Variants in MACF1 observed in about 807,000 individuals in gnomAD.
MACF1 encodes the protein microtubule actin crosslinking factor 1.
Under a neutral mutation model 854.8 loss-of-function variants are expected in MACF1, and 193 were observed. That is an observed-to-expected ratio of 0.23 (90% CI 0.20 to 0.25). MACF1 has a LOEUF of 0.25. MACF1 is among the 10% of genes least tolerant of loss of function. The pLI is 1.00. For synonymous variants in MACF1, 3,185 were observed against 3,226.7 expected (o/e 0.99, Z 0.44); for missense variants, 7,722 against 8,929.1 (o/e 0.86, Z 5.45).
At chr1:39,245,628 C>T (rs1644974000) in intron 2 of MACF1, among the ~76,000 whole-genome samples, 1 of 152,150 alleles carries the variant, frequency 6.6e-6, no homozygotes, top group South Asian at 2.1e-4. Context: ...TAGCTCACAC[C>T]TGTAATCCCA....
intron 2 of MACF1, among the ~76,000 whole-genome samples, chr1:39,233,397 T>C (rs962610215): frequency 6.6e-6 from 1 of 152,198 alleles, no homozygotes; most frequent in Non-Finnish European, 1.5e-5. Context: ...GTGCCTCCTA[T>C]ATTCATTTCT....
chr1:39,427,034 C>T (rs1401933526), intron 61 of MACF1, among the ~76,000 whole-genome samples: 3 of 151,992 alleles, frequency 2.0e-5, no homozygotes, highest in Non-Finnish European at 4.4e-5. Flanking sequence ...AACTTTTTGC[C>T]TCCTTTAAAC....
chr1:39,375,395 A>G (rs1274692653), intron 52 of MACF1, among the ~76,000 whole-genome samples: 2 of 151,430 alleles, frequency 1.3e-5, no homozygotes, highest in African/African-American at 4.9e-5. Flanking sequence ...TCCATCTCCC[A>G]GGTTCATGCC....
At chr1:39,453,068 TAAG>T (rs1471036392) in intron 87 of MACF1, among the ~76,000 whole-genome samples, 1 of 152,182 alleles carries the variant, frequency 6.6e-6, no homozygotes, top group Non-Finnish European at 1.5e-5. Flanking sequence ...AACATGGTAT[TAAG>T]AAAAATGTTG....
chr1:39,444,652 T>A lies in MACF1; in HGVS notation c.19432-10T>A, dbSNP rs1257544435. The A allele has an allele frequency of 6.2e-7, 1 of 1,603,288 alleles. No homozygotes were observed. The highest frequency in any genetic ancestry group is 1.1e-5 in the South Asian group (1 of 90,470). On this transcript the variant is annotated splice_polypyrimidine_tract_variant and intron_variant, in intron 79 of 100. Transcript: ENST00000564288. Reference sequence around the variant, plus strand: ...CGTAGAATTGATATCTTTCCTGCCTTTTCTTGTAGGAACTCTATTCCCAGC... The same window carrying A: ...CGTAGAATTGATATCTTTCCTGCCTATTCTTGTAGGAACTCTATTCCCAGC...
chr1:39,370,019 T>G lies in MACF1; in HGVS notation c.12939-11T>G, dbSNP rs1443532990. 11 of 1,607,040 alleles carry G rather than the reference T, an allele frequency of 6.8e-6. No homozygotes were observed. In the East Asian group the frequency reaches 2.2e-4, roughly 33 times the overall value. On this transcript the variant is annotated splice_polypyrimidine_tract_variant and intron_variant, in intron 50 of 100. Transcript: ENST00000564288. ...TTAGTCTGGCAAGTAACAAAACTGC[T>G]TCATTGACAGAGAGAAAGATGCATC...
At chr1:39,284,676 G>A (rs1238408765) in intron 11 of MACF1, among the ~76,000 whole-genome samples, 1 of 152,168 alleles carries the variant, frequency 6.6e-6, no homozygotes, top group Non-Finnish European at 1.5e-5. Context: ...CTTGAGTTTT[G>A]TGGACAAATT....
intron 2 of MACF1, among the ~76,000 whole-genome samples, chr1:39,237,326 G>C (rs1259699740): frequency 6.6e-6 from 1 of 152,176 alleles, no homozygotes; most frequent in Non-Finnish European, 1.5e-5. Flanking sequence ...ATACTGCCTT[G>C]AAGAGATGCC....
At position 39,452,269 on chromosome 1, in the gene MACF1, C is replaced by G; in HGVS notation, c.20532C>G (p.Leu6844=). Residue 6844 remains leucine, a synonymous_variant, in exon 86 of 101, where the codon CTC becomes CTG. Coordinates refer to ENST00000564288, the MANE Select transcript of MACF1 (RefSeq NM_001394062.1). The stretch of plus-strand genomic sequence containing the variant: ...ACACCACTTGGGTAAAAGGACAGCT[C>G]CAGGAACTGAGCACTCGCTGGGACA... The part of the protein sequence containing the change: ...RDDTTWVKGQ[L]QELSTRWDTV... 1.9e-6 allele frequency: 3 copies of G among 1,614,168 alleles called. No homozygotes were observed.
chr1:39,432,476 A>G lies in MACF1; in HGVS notation c.17338-59A>G, dbSNP rs972601820. 2.6e-6 allele frequency: 4 copies of G among 1,515,438 alleles called. No homozygotes were observed. The South Asian group carries it at 3.5e-5, about 13-fold the overall frequency. 93.9% of individuals were successfully genotyped at this position (1,515,438 alleles called of 1,614,324 possible). On this transcript the variant is annotated intron_variant, in intron 66 of 100. Coordinates refer to ENST00000564288, the MANE Select transcript of MACF1 (RefSeq NM_001394062.1). ...GGCCTTGCTTTGTTGAATAAATTGC[A>G]GTTATGTGGAGACTTGGCTGTATAT...
At chr1:39,300,855 C>T (rs552587401) in intron 22 of MACF1, among the ~76,000 whole-genome samples, 2 of 152,048 alleles carry the variant, frequency 1.3e-5, no homozygotes, top group South Asian at 4.1e-4. Context: ...GACCAGCTTG[C>T]GTCTCTGCAA....
intron 2 of MACF1, among the ~76,000 whole-genome samples, chr1:39,090,768 T>A (rs538202654): frequency 1.3e-5 from 2 of 152,302 alleles, no homozygotes; most frequent in South Asian, 4.1e-4. Context: ...AGGGGTTAGA[T>A]GCCACCAGAG....
intron 2 of MACF1, among the ~76,000 whole-genome samples, chr1:39,104,335 G>A (rs920751743): frequency 6.6e-6 from 1 of 152,144 alleles, no homozygotes; most frequent in Non-Finnish European, 1.5e-5. Flanking sequence ...AATGATGTTG[G>A]GAGCTCTGTC....
intron 38 of MACF1, among the ~76,000 whole-genome samples, chr1:39,338,979 G>C (rs1646877053): frequency 6.6e-6 from 1 of 151,882 alleles, no homozygotes; most frequent in Non-Finnish European, 1.5e-5. Context: ...GACTATTTAG[G>C]AAAAAAAACA....
chr1:39,185,655 C>G (rs74433516), intron 2 of MACF1, among the ~76,000 whole-genome samples: 20 of 152,266 alleles, frequency 1.3e-4, no homozygotes, highest in Non-Finnish European at 2.4e-4. Context: ...TCTGGCTGAT[C>G]ATGAGTTTTG....
In MACF1 at chr1:39,406,756, A is replaced by AAAAAAAAAAAAC. The variant is rs746955922; in HGVS notation, c.15817-15616_15817-15615insAAAAAAAAACAA. Among the ~76,000 whole-genome samples the AAAAAAAAAAAAC allele has an allele frequency of 9.6e-3, 1,109 of 115,850 alleles. 131 individuals carry two copies. The highest frequency in any genetic ancestry group is 0.021 in the African/African-American group (539 of 26,026). 76.0% of individuals were successfully genotyped at this position (115,850 alleles called of 152,430 possible). ...TCTCACTCAAAAAAAAAAAAAAAAA[A>AAAAAAAAAAAAC]AACATTCTTTATAATAGAATAACCA... On this transcript the variant is annotated intron_variant, in intron 58 of 100. Transcript: ENST00000564288.
rs113480477 is a variant in MACF1, at chr1:39,462,287, C to T, written c.21678+250C>T. 5.2e-3 allele frequency among the ~76,000 whole-genome samples: 790 copies of T among 152,282 alleles called. 6 individuals are homozygous for T. The highest frequency in any genetic ancestry group is 0.018 in the African/African-American group (730 of 41,530). On this transcript the variant is annotated intron_variant, in intron 93 of 100. Transcript: ENST00000564288. ...TGTCTGTGTGGTGCTCTGAAGTTTA[C>T]AGAGAACCTTTGCAGGGCAGCATAC...
At chr1:39,256,250 G>A (rs1476927478) in intron 5 of MACF1, among the ~76,000 whole-genome samples, 1 of 152,266 alleles carries the variant, frequency 6.6e-6, no homozygotes, top group East Asian at 1.9e-4. Flanking sequence ...ACAATGAAAG[G>A]GGAAGGCTGA....
At chr1:39,433,950 G>A (rs1643918919) in intron 68 of MACF1, among the ~76,000 whole-genome samples, 1 of 152,040 alleles carries the variant, frequency 6.6e-6, no homozygotes, top group African/African-American at 2.4e-5. Flanking sequence ...TGTGGCAGTG[G>A]GAACCTGTAA....
Sources: allele counts gnomAD v4.1 joint callset (sites outside exome capture counted in the v4.1 genomes callset), GRCh38; gene constraint gnomAD v4.1.1; transcripts MANE v1.5; gene names NCBI Gene and HGNC (gene_info 2026-07-23, HGNC 2026-07-21).